PDGFA: variants seen among roughly 807,000 people sequenced by gnomAD.
The protein encoded by PDGFA is platelet derived growth factor subunit A, also known as platelet-derived growth factor subunit A.
In PDGFA, 9 loss-of-function variants were observed where a neutral mutation model predicts 25.6. The ratio of observed to expected loss-of-function variants is 0.35; its 90% CI spans 0.21 to 0.61. PDGFA has a LOEUF of 0.61. Among genes scored for constraint, PDGFA ranks in the 20% least tolerant of loss-of-function variants. The probability of loss-of-function intolerance (pLI) is 0.75; values close to 1 mark genes in which losing one functional copy is unlikely to be tolerated. For synonymous variants in PDGFA, 133 were observed against 111.8 expected (o/e 1.19, Z -1.20); for missense variants, 242 against 272.8 (o/e 0.89, Z 0.79).
rs1336216833 is a variant in PDGFA, at chr7:500,989, T to A, written c.580+127A>T. ...TCTGGCCCGGGAGCAGGGCAACGAA[T>A]CCTTCAACAGCAGCCCAGATGCTCA... On this transcript the variant is annotated intron_variant, in intron 5 of 5. Transcript: ENST00000402802. This position sits in a 1 kb window ranked among gnomAD's most constrained non-coding sequence, Gnocchi z 5.0. 2.9e-5 allele frequency: 47 copies of A among 1,602,132 alleles called. No individual in the cohort carries two copies. The highest frequency in any genetic ancestry group is 3.5e-5 in the Non-Finnish European group (41 of 1,178,928).
chr7:501,054 C>A, intron 5 of PDGFA, 62 bp downstream of exon 5: 3 of 1,613,622 alleles, frequency 1.9e-6, no homozygotes, highest in Non-Finnish European at 2.5e-6. Context: ...ACCTAACACC[C>A]CAAAAGCAAG....
rs368965456 is a variant in PDGFA at position 498,367 on chromosome 7, G to A, written c.*197C>T. ...CAAGGAAGCTTCTTACTGCTTCACC[G>A]AGTGCTACAATACTTGCTTTGATGT... On this transcript the variant is annotated 3_prime_UTR_variant, in exon 6 of 6. Coordinates refer to ENST00000402802, the Ensembl canonical transcript of PDGFA. 7.3e-4 allele frequency: 380 copies of A among 521,272 alleles called. 4 individuals carry two copies. The South Asian group carries it at 0.012, about 16-fold the overall frequency. 32.3% of individuals were successfully genotyped at this position (521,272 alleles called of 1,614,324 possible).
intron 4 of PDGFA, among the ~76,000 whole-genome samples, chr7:503,390 G>C (rs183191582): frequency 1.3e-5 from 2 of 152,180 alleles, no homozygotes; most frequent in African/African-American, 4.8e-5. Context: ...GGCTAGAAAG[G>C]AAACGGAGGC....
chr7:518,916 C>A (rs1442167586), intron 1 of PDGFA, 23 bp downstream of exon 1: 20 of 1,493,116 alleles, frequency 1.3e-5, no homozygotes, highest in Non-Finnish European at 1.8e-5. Flanking sequence ...GGCGCAGGGA[C>A]GGGGCGCGGG....
chr7:502,904 TCCACC>T (rs773957165), intron 4 of PDGFA, among the ~76,000 whole-genome samples: 1 of 151,434 alleles, frequency 6.6e-6, no homozygotes, highest in Non-Finnish European at 1.5e-5. Context: ...GGGAGGCAAC[TCCACC>T]CCCCACCAGT....
Position 517,384 on chromosome 7 carries a change from C to A in PDGFA, c.160+10G>T, listed in dbSNP as rs780851193. 1.3e-4 allele frequency: 171 copies of A among 1,333,426 alleles called. No homozygotes were observed. The highest frequency in any genetic ancestry group is 3.6e-4 in the Admixed American group (13 of 36,432). 82.6% of individuals were successfully genotyped at this position (1,333,426 alleles called of 1,614,324 possible). ...CCTCCCCGCGCGCGGAGGGAAGGGG[C>A]GCGATTTACCTACGGAGTCTATCTC... is the stretch of plus-strand genomic sequence containing the variant. On this transcript the variant is annotated intron_variant, in intron 2 of 5. Coordinates refer to ENST00000402802, the Ensembl canonical transcript of PDGFA. This position sits in a 1 kb window ranked among gnomAD's most constrained non-coding sequence, Gnocchi z 7.4.
exon 5 of PDGFA, chr7:501,152 T>C (rs746540872): frequency 1.2e-6 from 2 of 1,614,244 alleles, no homozygotes; most frequent in Admixed American, 1.7e-5. Context: ...TTCAGGCTTG[T>C]GGTCGCGCAG....
chr7:509,419 T>C (rs1782703384), intron 4 of PDGFA, among the ~76,000 whole-genome samples: 1 of 151,930 alleles, frequency 6.6e-6, no homozygotes, highest in African/African-American at 2.4e-5. Flanking sequence ...GCCTCCAGAG[T>C]AGCTGGGACG....
intron 2 of PDGFA, chr7:512,714 G>A: frequency 1.5e-6 from 2 of 1,356,266 alleles, no homozygotes; most frequent in Non-Finnish European, 1.9e-6. Context: ...CACATTCAGG[G>A]GCCCGTGACG....
chr7:507,188 T>C (rs1028740076), intron 4 of PDGFA, among the ~76,000 whole-genome samples: 1 of 152,210 alleles, frequency 6.6e-6, no homozygotes, highest in Non-Finnish European at 1.5e-5. Context: ...GCCGGATGTT[T>C]TCCTCCAACC....
intron 2 of PDGFA, chr7:512,683 C>T: frequency 6.8e-7 from 1 of 1,469,174 alleles, no homozygotes. Flanking sequence ...GCAGAAAACG[C>T]CCCGTTAGCA....
rs372184833 is a variant in PDGFA, at chr7:511,713, C to T, written c.265+638G>A. ...ACCCATCAGGTGGGACCCCCGAGGA[C>T]GCGGGACTTGGGTAGAAAGCAGGGA... is the stretch of plus-strand genomic sequence containing the variant. On this transcript the variant is annotated intron_variant, in intron 3 of 5. Coordinates refer to ENST00000402802, the Ensembl canonical transcript of PDGFA. Among the ~76,000 whole-genome samples, 62 of 152,248 alleles carry T rather than the reference C, an allele frequency of 4.1e-4. No homozygotes were observed. The East Asian group carries it at 8.9e-3, about 22-fold the overall frequency.
upstream of PDGFA, chr7:519,488 G>GGCTGCGA (rs1300351761): frequency 6.6e-6 from 1 of 151,554 alleles, no homozygotes; most frequent in Non-Finnish European, 1.5e-5. Flanking sequence ...GCCCGGCCCC[G>GGCTGCGA]GCTGCGAGCT....
At chr7:516,358 G>A (rs1783100512) in intron 2 of PDGFA, among the ~76,000 whole-genome samples, 1 of 152,104 alleles carries the variant, frequency 6.6e-6, no homozygotes, top group Non-Finnish European at 1.5e-5. Context: ...ATTTCCAAAT[G>A]ACTAGACCAT....
chr7:505,808 G>A (rs537603868), intron 4 of PDGFA, among the ~76,000 whole-genome samples: 3 of 152,182 alleles, frequency 2.0e-5, no homozygotes, highest in African/African-American at 4.8e-5. Context: ...TGGCCCCACC[G>A]CCCCACAGCC....
intron 4 of PDGFA, 127 bp downstream of exon 4, chr7:510,682 G>C: frequency 2.2e-6 from 1 of 456,452 alleles, no homozygotes; most frequent in South Asian, 2.1e-5. Flanking sequence ...TGGCTGCTTG[G>C]TAGGGGCGGC....
intron 4 of PDGFA, among the ~76,000 whole-genome samples, chr7:507,818 C>T (rs1261303687): frequency 6.6e-6 from 1 of 152,156 alleles, no homozygotes; most frequent in Non-Finnish European, 1.5e-5. Context: ...CAGGGGGGCT[C>T]ATGCCAGGGG....
chr7:518,569 T>G (rs1783213004), intron 1 of PDGFA: 1 of 218,958 alleles, frequency 4.6e-6, no homozygotes, highest in Non-Finnish European at 9.0e-6. Flanking sequence ...TCCGCCGCCC[T>G]TCTCTCCTCC....
Position 500,591 on chromosome 7 carries a change from C to T in PDGFA, c.580+525G>A. The T allele has an allele frequency of 1.3e-6, 2 of 1,598,758 alleles. No individual in the cohort carries two copies. Among genetic ancestry groups the T allele is most frequent in the Non-Finnish European group, 1.7e-6 (2 of 1,173,876 alleles). ...ACAAATACCTACGGCATTTGTTTAT[C>T]TTTCCAGAAGAGAAGGCCAGCACCC... On this transcript the variant is annotated intron_variant, in intron 5 of 5. Transcript: ENST00000402802. This position sits in a 1 kb window ranked among gnomAD's most constrained non-coding sequence, Gnocchi z 5.0.
Sources: gnomAD v4.1 joint callset for allele counts (sites outside exome capture counted in the v4.1 genomes callset) on GRCh38, gnomAD v4.1.1 for gene constraint, Gnocchi (gnomAD v3.1) non-coding constraint, MANE v1.5 for transcripts, NCBI Gene and HGNC (gene_info 2026-07-23, HGNC 2026-07-21) for gene names.